The following MAD1L1 variants were observed in gnomAD, a reference collection of about 807,000 sequenced individuals.
The protein encoded by MAD1L1 is mitotic arrest deficient 1 like 1.
MAD1L1 carries 95 observed loss-of-function variants against 96.9 expected under a neutral mutation model. The observed-to-expected ratio is 0.98, with a 90% confidence interval of 0.83 to 1.16. The LOEUF (loss-of-function observed/expected upper bound fraction) is 1.16. MAD1L1 is among the 50% of genes most tolerant of loss of function. MAD1L1 has a pLI of 0.00. For missense variants in MAD1L1, 1,007 were observed against 954.4 expected, an observed-to-expected ratio of 1.06 and a Z score of -0.73; for synonymous variants, 473 against 396.6, an observed-to-expected ratio of 1.19 and a Z score of -2.29.
chr7:2,024,031 A>G (rs1363172071), intron 12 of MAD1L1, among the ~76,000 whole-genome samples: 3 of 151,492 alleles, frequency 2.0e-5, no homozygotes, highest in Non-Finnish European at 4.4e-5. Context: ...GAAAACAGGA[A>G]CTCCATAGAG....
intron 12 of MAD1L1, among the ~76,000 whole-genome samples, chr7:2,047,431 T>A (rs955812361): frequency 2.6e-5 from 4 of 152,186 alleles, no homozygotes; most frequent in Non-Finnish European, 5.9e-5. Context: ...ATTAACTCCA[T>A]TCTACACTCC....
rs1019947696 is a variant in MAD1L1, at chr7:2,082,594, C to T, written c.1074-13256G>A. Among the ~76,000 whole-genome samples, 4 of 152,186 alleles carry T rather than the reference C, an allele frequency of 2.6e-5. No homozygotes were observed. In the South Asian group the frequency reaches 8.3e-4, roughly 32 times the overall value. On this transcript the variant is annotated intron_variant, in intron 11 of 18. Coordinates refer to ENST00000265854, the MANE Select transcript of MAD1L1 (RefSeq NM_001013836.2). ...AGAGGCAGCAGGCCAAGTGGAAGGA[C>T]CAGGCTGAGGAGATTGAGCTCTGAG...
At chr7:2,026,850 T>A (rs1047400499) in intron 12 of MAD1L1, among the ~76,000 whole-genome samples, 2 of 152,154 alleles carry the variant, frequency 1.3e-5, no homozygotes, top group African/African-American at 4.8e-5. Context: ...ATTATCTACA[T>A]ATACAACTCA....
At chr7:2,167,190 G>C (rs1790471856) in intron 10 of MAD1L1, among the ~76,000 whole-genome samples, 1 of 152,172 alleles carries the variant, frequency 6.6e-6, no homozygotes, top group Admixed American at 6.5e-5. Flanking sequence ...AGGCAGGTCA[G>C]GGAAAACCAA....
chr7:1,974,969 C>T (rs867711255), intron 15 of MAD1L1, among the ~76,000 whole-genome samples: 3 of 152,196 alleles, frequency 2.0e-5, no homozygotes, highest in Non-Finnish European at 2.9e-5. Flanking sequence ...ACCTGGGGAG[C>T]GCACCTGCCT....
chr7:2,097,110 C>T (rs1176431902), intron 11 of MAD1L1, among the ~76,000 whole-genome samples: 1 of 152,172 alleles, frequency 6.6e-6, no homozygotes, highest in Non-Finnish European at 1.5e-5. Flanking sequence ...AGCCTCCAGG[C>T]TCCTGGCTCC....
chr7:2,098,820 C>G (rs1786633437), intron 11 of MAD1L1, among the ~76,000 whole-genome samples: 1 of 152,208 alleles, frequency 6.6e-6, no homozygotes, highest in Non-Finnish European at 1.5e-5. Flanking sequence ...CCCGGCGTCC[C>G]CAGAGGTGGG....
In MAD1L1 at chr7:1,832,630, T is replaced by TTTGGGGGGG. The variant is rs56664541; in HGVS notation, c.1999-16403_1999-16402insCCCCCCCAA. On this transcript the variant is annotated intron_variant, in intron 18 of 18. Transcript: ENST00000265854. The stretch of plus-strand genomic sequence containing the variant: ...CTTCATTGCTGTGTTTTTTTTTTTT[T>TTTGGGGGGG]GGCGGGGGGGGGGGGGGTGGGGATG... 5.1e-3 allele frequency among the ~76,000 whole-genome samples: 12 copies of TTTGGGGGGG among 2,350 alleles called. 2 individuals are homozygous for TTTGGGGGGG. The highest frequency in any genetic ancestry group is 9.1e-3 in the Non-Finnish European group (11 of 1,212). The allele number at this position is 2,350 out of a possible 152,430, so 1.5% of individuals were successfully genotyped here. A position where few individuals can be genotyped will look rare whatever the true frequency, so the allele number is the denominator to read the frequency against.
intron 17 of MAD1L1, among the ~76,000 whole-genome samples, chr7:1,922,180 A>G (rs1362991130): frequency 6.6e-6 from 1 of 152,208 alleles, no homozygotes; most frequent in Non-Finnish European, 1.5e-5. Flanking sequence ...TCACCAGCCC[A>G]GCGGCGAGCG....
chr7:1,828,031 C>T (rs1162293899), intron 18 of MAD1L1, among the ~76,000 whole-genome samples: 1 of 152,010 alleles, frequency 6.6e-6, no homozygotes, highest in African/African-American at 2.4e-5. Flanking sequence ...TCCTGTGAGG[C>T]TGCCCCTCTT....
At chr7:2,066,415 G>A (rs1256872947) in intron 12 of MAD1L1, among the ~76,000 whole-genome samples, 1 of 152,244 alleles carries the variant, frequency 6.6e-6, no homozygotes, top group Non-Finnish European at 1.5e-5. Context: ...TCCCTGGCCT[G>A]GGGCTACACG....
chr7:2,066,429 G>A (rs535708272), intron 12 of MAD1L1, among the ~76,000 whole-genome samples: 14 of 152,366 alleles, frequency 9.2e-5, no homozygotes, highest in African/African-American at 2.2e-4. Context: ...CTACACGGGC[G>A]ACTGGGATCA....
In MAD1L1 at chr7:1,980,361, T is replaced by C. The variant is rs144411850; in HGVS notation, c.1505+92A>G. ...CCCACAGGACACACCTGGGCGTATCTGCCTCCTCCCCCGCAGGACACACCT... is the reference window on the plus strand; with the variant it reads ...CCCACAGGACACACCTGGGCGTATCCGCCTCCTCCCCCGCAGGACACACCT... On this transcript the variant is annotated intron_variant, in intron 15 of 18. Coordinates refer to ENST00000265854, the MANE Select transcript of MAD1L1 (RefSeq NM_001013836.2). The C allele has an allele frequency of 4.2e-3, 4,180 of 1,000,766 alleles. 85 individuals carry two copies. In the African/African-American group the frequency reaches 0.064, roughly 15 times the overall value. The allele number at this position is 1,000,766 out of a possible 1,614,324, so 62.0% of individuals were successfully genotyped here. A position where few individuals can be genotyped will look rare whatever the true frequency, so the allele number is the denominator to read the frequency against.
At chr7:2,020,145 G>C (rs1377273352) in intron 12 of MAD1L1, among the ~76,000 whole-genome samples, 3 of 152,204 alleles carry the variant, frequency 2.0e-5, no homozygotes, top group African/African-American at 7.2e-5. Flanking sequence ...TGCAAACAGA[G>C]GAGCCGCCCA....
intron 18 of MAD1L1, among the ~76,000 whole-genome samples, chr7:1,818,445 A>G (rs1583462722): frequency 6.6e-6 from 1 of 152,070 alleles, no homozygotes; most frequent in Non-Finnish European, 1.5e-5. Flanking sequence ...GTGCAGTGGC[A>G]TGATAACGGG....
At chr7:2,079,061 G>T (rs1298790907) in intron 11 of MAD1L1, among the ~76,000 whole-genome samples, 1 of 152,318 alleles carries the variant, frequency 6.6e-6, no homozygotes, top group Non-Finnish European at 1.5e-5. Context: ...GCCAGCGGTT[G>T]GGAGGGGGTG....
At chr7:2,013,412 G>A (rs371636796) in intron 13 of MAD1L1, among the ~76,000 whole-genome samples, 4 of 152,246 alleles carry the variant, frequency 2.6e-5, no homozygotes, top group South Asian at 2.1e-4. Flanking sequence ...AGCTGTGCTC[G>A]CAGACACCAC....
chr7:1,998,246 C>T (rs1781644637), intron 14 of MAD1L1, among the ~76,000 whole-genome samples: 1 of 152,168 alleles, frequency 6.6e-6, no homozygotes, highest in South Asian at 2.1e-4. Context: ...GTCTCTCTCC[C>T]CACAAAAGAG....
At chr7:1,878,174 A>G (rs1171058885) in intron 18 of MAD1L1, among the ~76,000 whole-genome samples, 1 of 152,180 alleles carries the variant, frequency 6.6e-6, no homozygotes, top group African/African-American at 2.4e-5. Flanking sequence ...TTAAATGCAT[A>G]ATTTAAAAAG....
Sources: allele counts gnomAD v4.1 joint callset (sites outside exome capture counted in the v4.1 genomes callset), GRCh38; gene constraint gnomAD v4.1.1; transcripts MANE v1.5; gene names NCBI Gene and HGNC (gene_info 2026-07-23, HGNC 2026-07-21).